Variants in COX10 observed in about 807,000 individuals in gnomAD.
The protein encoded by COX10 is cytochrome c oxidase assembly factor heme A:farnesyltransferase COX10, also known as protoheme IX farnesyltransferase, mitochondrial.
A neutral mutation model predicts 37.3 loss-of-function variants in COX10; 27 were observed. That is an observed-to-expected ratio of 0.72 (90% CI 0.53 to 1.00). The LOEUF (loss-of-function observed/expected upper bound fraction) is 1.00. COX10 is among the 50% of genes least tolerant of loss of function. The pLI is 0.00. For missense variants in COX10, 475 were observed against 563.2 expected (o/e 0.84, Z 1.59); for synonymous variants, 222 against 229.1 (o/e 0.97, Z 0.28).
chr17:14,167,915 C>G (rs1402539402), intron 5 of COX10, among the ~76,000 whole-genome samples: 1 of 152,206 alleles, frequency 6.6e-6, no homozygotes, highest in African/African-American at 2.4e-5. Context: ...TCATGTCCTT[C>G]TCACATTTCA....
At chr17:14,150,781 A>G (rs2142232906) in intron 4 of COX10, among the ~76,000 whole-genome samples, 1 of 152,330 alleles carries the variant, frequency 6.6e-6, no homozygotes, top group African/African-American at 2.4e-5. Context: ...AGAGCCTTCA[A>G]CTAGAAGAAG....
intron 6 of COX10, among the ~76,000 whole-genome samples, chr17:14,196,605 G>A (rs1366192679): frequency 6.6e-6 from 1 of 152,072 alleles, no homozygotes; most frequent in Non-Finnish European, 1.5e-5. Flanking sequence ...ATAACAGCAG[G>A]GTCATACATT....
chr17:14,144,214 T>A (rs1399093730), intron 4 of COX10, among the ~76,000 whole-genome samples: 3 of 152,190 alleles, frequency 2.0e-5, no homozygotes, highest in Non-Finnish European at 4.4e-5. Flanking sequence ...GTATAACCTT[T>A]TCTTTTTGAG....
At chr17:14,102,606 T>C (rs1915809752) in intron 4 of COX10, among the ~76,000 whole-genome samples, 1 of 152,198 alleles carries the variant, frequency 6.6e-6, no homozygotes, top group Non-Finnish European at 1.5e-5. Context: ...GTTTGATTTC[T>C]TTGCATTTTA....
chr17:14,162,284 T>TA (rs754605464), intron 5 of COX10, among the ~76,000 whole-genome samples: 1 of 152,132 alleles, frequency 6.6e-6, no homozygotes, highest in Non-Finnish European at 1.5e-5. Flanking sequence ...GAAGTGAAAA[T>TA]ACTGGCAAAA....
intron 3 of COX10, among the ~76,000 whole-genome samples, chr17:14,083,911 CTGAG>C (rs1201181645): frequency 6.6e-6 from 1 of 152,140 alleles, no homozygotes; most frequent in Non-Finnish European, 1.5e-5. Flanking sequence ...AACTTTTTTC[CTGAG>C]TAACATCTGT....
chr17:14,107,606 G>A (rs1227639308), intron 4 of COX10, among the ~76,000 whole-genome samples: 1 of 151,064 alleles, frequency 6.6e-6, no homozygotes, highest in Non-Finnish European at 1.5e-5. Flanking sequence ...TCACCTGGCT[G>A]GCCTCAGCTT....
rs1357418490 is a variant in COX10, at chr17:14,165,914, GCCTAATCCAAAGCAAGGC to G, written c.695+5973_695+5990del. On this transcript the variant is annotated intron_variant, in intron 5 of 6. Transcript: ENST00000261643. The stretch of plus-strand genomic sequence containing the variant: ...AGCCACAGCATTGCCTCACACGAAA[GCCTAATCCAAAGCAAGGC>G]CCTAACTCTCTTCAGTTTTATGAAG... Among the ~76,000 whole-genome samples, 4 of 152,346 alleles carry G rather than the reference GCCTAATCCAAAGCAAGGC, an allele frequency of 2.6e-5. No individual in the cohort carries two copies. The East Asian group carries it at 7.7e-4, about 29-fold the overall frequency.
intron 4 of COX10, among the ~76,000 whole-genome samples, chr17:14,134,044 G>A (rs1449492764): frequency 6.6e-6 from 1 of 151,352 alleles, no homozygotes; most frequent in African/African-American, 2.4e-5. Flanking sequence ...TCTTTGCTTT[G>A]GTGTTAAATA....
intron 6 of COX10, among the ~76,000 whole-genome samples, chr17:14,203,004 T>C (rs1320981014): frequency 6.6e-6 from 1 of 152,138 alleles, no homozygotes. Flanking sequence ...TTACCCTGTT[T>C]TGAGTCGTCT....
In COX10 at chr17:14,069,563, G is replaced by A; in HGVS notation, c.-43G>A. The A allele has an allele frequency of 3.7e-6, 6 of 1,611,630 alleles. No homozygotes were observed. Among genetic ancestry groups the A allele is most frequent in the East Asian group, 2.2e-5 (1 of 44,832 alleles). On this transcript the variant is annotated 5_prime_UTR_variant, in exon 1 of 7. Coordinates refer to ENST00000261643, the MANE Select transcript of COX10 (RefSeq NM_001303.4). ...CGGCGCCCAGCGTCCCGTGAGGAGA[G>A]AGGACACAGGGATCCCGGGGAGCGG...
intron 3 of COX10, among the ~76,000 whole-genome samples, chr17:14,096,438 C>T (rs1915657515): frequency 7.3e-6 from 1 of 136,564 alleles, no homozygotes. Flanking sequence ...GCAGTGGCAC[C>T]ATCATAGCTC....
chr17:14,122,805 A>AT (rs1358965975), intron 4 of COX10, among the ~76,000 whole-genome samples: 4 of 152,166 alleles, frequency 2.6e-5, no homozygotes, highest in Non-Finnish European at 4.4e-5. Context: ...ACATTAAATT[A>AT]ATCTTTTATA....
chr17:14,150,774 G>A (rs1239024240), intron 4 of COX10, among the ~76,000 whole-genome samples: 2 of 152,202 alleles, frequency 1.3e-5, no homozygotes, highest in Non-Finnish European at 2.9e-5. Flanking sequence ...GTGAACAAGA[G>A]CCTTCAACTA....
rs767217998 is a variant in COX10, at chr17:14,206,850, T to C, written c.969T>C (p.Phe323=). 6.2e-7 allele frequency: 1 copy of C among 1,614,178 alleles called. No homozygotes were observed. The highest frequency in any genetic ancestry group is 1.1e-5 in the South Asian group (1 of 91,086). ...LLGGILYSWQ[F]PHFNALSWGL... ...GAGGAATCCTCTACTCCTGGCAGTT[T>C]CCTCATTTCAACGCCCTGAGCTGGG... The change falls in exon 7 of 7, where the codon TTT becomes TTC. Residue 323 remains phenylalanine (F), a synonymous_variant. Coordinates refer to ENST00000261643, the MANE Select transcript of COX10 (RefSeq NM_001303.4).
At chr17:14,137,788 G>T (rs1904418432) in intron 4 of COX10, among the ~76,000 whole-genome samples, 1 of 151,950 alleles carries the variant, frequency 6.6e-6, no homozygotes, top group South Asian at 2.1e-4. Flanking sequence ...ACCAGTTATT[G>T]AATGCATTTT....
At chr17:14,075,991 C>CAAAAAAA (rs71147838) in intron 2 of COX10, among the ~76,000 whole-genome samples, 4 of 83,432 alleles carry the variant, frequency 4.8e-5, no homozygotes, top group African/African-American at 1.8e-4. Flanking sequence ...GGCTCCATCT[C>CAAAAAAA]AAAAAAAAAA....
chr17:14,197,605 C>A (rs531596013), intron 6 of COX10, among the ~76,000 whole-genome samples: 9 of 152,354 alleles, frequency 5.9e-5, no homozygotes, highest in Admixed American at 5.9e-4. Context: ...GAAAATGACA[C>A]AGATGAGCAG....
chr17:14,179,539 G>C (rs1022331575), intron 5 of COX10, among the ~76,000 whole-genome samples: 1 of 152,162 alleles, frequency 6.6e-6, no homozygotes. Flanking sequence ...GCATAAGGCA[G>C]CCCAGAAATA....
Sources: allele counts gnomAD v4.1 joint callset (sites outside exome capture counted in the v4.1 genomes callset), GRCh38; gene constraint gnomAD v4.1.1; transcripts MANE v1.5; gene names NCBI Gene and HGNC (gene_info 2026-07-23, HGNC 2026-07-21).